ADAMTS6: variants seen among roughly 807,000 people sequenced by gnomAD.
ADAMTS6 encodes A disintegrin and metalloproteinase with thrombospondin motifs 6.
Under a neutral mutation model 144.3 loss-of-function variants are expected in ADAMTS6, and 23 were observed. The observed-to-expected ratio is 0.16, with a 90% CI of 0.11 to 0.23. The LOEUF (loss-of-function observed/expected upper bound fraction) is 0.23, where lower values mean the gene tolerates loss of function less well. Among genes scored for constraint, ADAMTS6 ranks in the 10% least tolerant of loss-of-function variants. The probability of loss-of-function intolerance (pLI) is 1.00; values close to 1 mark genes in which losing one functional copy is unlikely to be tolerated. For missense variants in ADAMTS6, 999 were observed against 1,379.6 expected (o/e 0.72, Z 4.37); for synonymous variants, 444 against 457.5 (o/e 0.97, Z 0.38).
intron 15 of ADAMTS6, among the ~76,000 whole-genome samples, chr5:65,239,051 G>T (rs1443109864): frequency 6.6e-6 from 1 of 152,058 alleles, no homozygotes; most frequent in Non-Finnish European, 1.5e-5. Context: ...CTCACTCATA[G>T]GTGGGAATTG....
intron 20 of ADAMTS6, among the ~76,000 whole-genome samples, chr5:65,205,731 A>G (rs766253379): frequency 5.3e-5 from 8 of 152,220 alleles, no homozygotes; most frequent in East Asian, 1.9e-4. Context: ...ATAGGTTATC[A>G]CATAAACTTG....
intron 7 of ADAMTS6, among the ~76,000 whole-genome samples, chr5:65,373,434 C>T (rs549005526): frequency 8.6e-5 from 13 of 150,324 alleles, no homozygotes; most frequent in East Asian, 3.9e-4. Flanking sequence ...ATATCACCAC[C>T]GATCCCACAG....
At chr5:65,222,704 C>T (rs991938800) in intron 18 of ADAMTS6, among the ~76,000 whole-genome samples, 1 of 151,842 alleles carries the variant, frequency 6.6e-6, no homozygotes, top group Non-Finnish European at 1.5e-5. Flanking sequence ...TTGTATTTTA[C>T]ATTTAATAAA....
intron 3 of ADAMTS6, among the ~76,000 whole-genome samples, chr5:65,464,796 C>T (rs927962421): frequency 1.3e-5 from 2 of 152,038 alleles, no homozygotes; most frequent in African/African-American, 4.8e-5. Flanking sequence ...TTCAAGTATC[C>T]CATTCTTCTA....
chr5:65,347,196 AT>A (rs769705040), intron 7 of ADAMTS6, among the ~76,000 whole-genome samples: 2 of 151,890 alleles, frequency 1.3e-5, no homozygotes, highest in Non-Finnish European at 2.9e-5. Context: ...GAAAAAAAAA[AT>A]TCCTAAAATT....
intron 7 of ADAMTS6, among the ~76,000 whole-genome samples, chr5:65,428,666 T>G (rs1232537786): frequency 6.6e-6 from 1 of 152,196 alleles, no homozygotes; most frequent in African/African-American, 2.4e-5. Flanking sequence ...CATGTTTGAA[T>G]TTTCCTGGGG....
intron 14 of ADAMTS6, among the ~76,000 whole-genome samples, chr5:65,254,001 T>A (rs984399897): frequency 6.6e-6 from 1 of 151,274 alleles, no homozygotes; most frequent in Non-Finnish European, 1.5e-5. Context: ...CGCACCACCA[T>A]GCCCAGCTAA....
intron 3 of ADAMTS6, among the ~76,000 whole-genome samples, chr5:65,461,366 T>A (rs576049004): frequency 6.6e-6 from 1 of 152,362 alleles, no homozygotes; most frequent in Non-Finnish European, 1.5e-5. Context: ...AGGCAAAGGG[T>A]TATATCTCAT....
intron 9 of ADAMTS6, among the ~76,000 whole-genome samples, chr5:65,324,535 A>G (rs1266226652): frequency 6.6e-6 from 1 of 151,806 alleles, no homozygotes; most frequent in East Asian, 1.9e-4. Context: ...TATAAACTAT[A>G]TATGTTTTAT....
intron 7 of ADAMTS6, among the ~76,000 whole-genome samples, chr5:65,342,714 A>C (rs1747963477): frequency 6.6e-6 from 1 of 152,182 alleles, no homozygotes. Flanking sequence ...CAATAAAGCA[A>C]GAAAGGGAAA....
intron 7 of ADAMTS6, among the ~76,000 whole-genome samples, chr5:65,420,673 C>T (rs952370228): frequency 2.6e-5 from 4 of 152,026 alleles, no homozygotes; most frequent in African/African-American, 9.7e-5. Flanking sequence ...GACCACTGCG[C>T]CCGGCCTCTG....
chr5:65,338,051 A>G (rs1747470619), intron 7 of ADAMTS6, among the ~76,000 whole-genome samples: 2 of 152,224 alleles, frequency 1.3e-5, no homozygotes, highest in African/African-American at 4.8e-5. Flanking sequence ...CTGTGATCCT[A>G]ACTTCAGACT....
intron 9 of ADAMTS6, among the ~76,000 whole-genome samples, chr5:65,318,915 T>C (rs1303004664): frequency 1.3e-5 from 2 of 152,124 alleles, no homozygotes; most frequent in Non-Finnish European, 2.9e-5. Flanking sequence ...GGATACATGC[T>C]TGAGGGGTTG....
At chr5:65,425,586 C>T (rs1283696195) in intron 7 of ADAMTS6, among the ~76,000 whole-genome samples, 1 of 152,210 alleles carries the variant, frequency 6.6e-6, no homozygotes, top group Admixed American at 6.5e-5. Context: ...ATTTCCCACT[C>T]TCAAATTCTA....
At chr5:65,260,735 A>C in intron 13 of ADAMTS6, 72 bp from the exon 14 acceptor site, 4 of 1,166,920 alleles carry the variant, frequency 3.4e-6, no homozygotes, top group Non-Finnish European at 4.9e-6. Context: ...ATATTACTTG[A>C]TGAAAACATA....
chr5:65,243,609 G>A (rs1226113699), intron 14 of ADAMTS6, among the ~76,000 whole-genome samples: 1 of 151,928 alleles, frequency 6.6e-6, no homozygotes, highest in African/African-American at 2.4e-5. Flanking sequence ...ATTTACCATA[G>A]GCTAGTAGGT....
In ADAMTS6 at chr5:65,260,616, C is replaced by T; in HGVS notation, c.1814G>A (p.Arg605His). Residue 605 changes from arginine to histidine, a missense_variant, in exon 14 of 25, where the codon CGC becomes CAC. Physicochemically the swap from Arg to His is conservative, Grantham distance 29. This residue lies in a region of ADAMTS6 where 619 missense variants were observed against 837.0 expected (regional missense o/e 0.74). Transcript: ENST00000381055. ...TTTACTTACATCTGTGTTACAGGAGCGATACCGTTTCCTTTCCCCAAGGCA... is the reference window on the plus strand; with the variant it reads ...TTTACTTACATCTGTGTTACAGGAGTGATACCGTTTCCTTTCCCCAAGGCA... ...KYCLGERKRY[R>H]SCNTDPCPLG... The T allele has an allele frequency of 4.3e-6, 7 of 1,613,382 alleles. No individual in the cohort carries two copies. The highest frequency in any genetic ancestry group is 5.9e-6 in the Non-Finnish European group (7 of 1,179,646).
Position 65,242,092 on chromosome 5 carries a change from G to A in ADAMTS6, c.1933+12C>T. ...TGCTCAAGCATGAATGCTCTGTCAGGTTATACATTACCTCCAGTATAGGGT... is the reference window on the plus strand; with the variant it reads ...TGCTCAAGCATGAATGCTCTGTCAGATTATACATTACCTCCAGTATAGGGT... On this transcript the variant is annotated intron_variant, in intron 15 of 24. Transcript: ENST00000381055. 6.4e-7 allele frequency: 1 copy of A among 1,554,384 alleles called. No homozygotes were observed. The highest frequency in any genetic ancestry group is 2.3e-5 in the East Asian group (1 of 43,978).
chr5:65,319,533 T>G (rs1047523862), intron 9 of ADAMTS6, among the ~76,000 whole-genome samples: 11 of 137,976 alleles, frequency 8.0e-5, no homozygotes, highest in African/African-American at 8.0e-5. Context: ...AAAAAAAAAT[T>G]TATATATATA....
Sources: gnomAD v4.1 joint callset for allele counts (sites outside exome capture counted in the v4.1 genomes callset) on GRCh38, gnomAD v4.1.1 for gene constraint, gnomAD v4.1.1 regional missense constraint, MANE v1.5 for transcripts, NCBI Gene and HGNC (gene_info 2026-07-23, HGNC 2026-07-21) for gene names.